The following AKT3 variants were observed in gnomAD, a reference collection of about 807,000 sequenced individuals.
AKT3 encodes the protein AKT serine/threonine kinase 3, also known as RAC-gamma serine/threonine-protein kinase.
In AKT3, 15 loss-of-function variants were observed where a neutral mutation model predicts 65.3. That is an observed-to-expected ratio of 0.23 (90% confidence interval 0.15 to 0.35). AKT3 has a LOEUF of 0.35. Ranked by LOEUF, AKT3 falls within the 10% of genes least tolerant of loss-of-function variation. AKT3 has a pLI of 1.00. For missense variants in AKT3, 243 were observed against 576.5 expected (o/e 0.42, Z 5.92); for synonymous variants, 206 against 183.8 (o/e 1.12, Z -0.98).
intron 4 of AKT3, among the ~76,000 whole-genome samples, chr1:243,649,789 A>C (rs1681163116): frequency 6.6e-6 from 1 of 152,130 alleles, no homozygotes; most frequent in Non-Finnish European, 1.5e-5. Context: ...TATATGTACC[A>C]CACTTTTTTT....
At chr1:243,830,244 G>A (rs192507009) in intron 2 of AKT3, among the ~76,000 whole-genome samples, 3 of 152,238 alleles carry the variant, frequency 2.0e-5, no homozygotes, top group African/African-American at 7.2e-5. Context: ...GTAATTTAAA[G>A]ATGATTTAAA....
intron 3 of AKT3, among the ~76,000 whole-genome samples, chr1:243,665,588 T>A (rs1181316981): frequency 6.6e-6 from 1 of 152,160 alleles, no homozygotes; most frequent in Non-Finnish European, 1.5e-5. Flanking sequence ...GTGCGTAGAT[T>A]CAATTATTTT....
At chr1:243,727,271 A>G (rs78819864) in intron 2 of AKT3, among the ~76,000 whole-genome samples, 401 of 152,268 alleles carry the variant, frequency 2.6e-3, no homozygotes, top group Non-Finnish European at 5.0e-3. Context: ...ATCAGCATAC[A>G]ATACCAAAAG....
chr1:243,680,253 G>T (rs1411009209), intron 3 of AKT3, among the ~76,000 whole-genome samples: 3 of 152,120 alleles, frequency 2.0e-5, no homozygotes, highest in African/African-American at 7.2e-5. Context: ...TTCATAGTTG[G>T]AAGACTATTG....
intron 2 of AKT3, among the ~76,000 whole-genome samples, chr1:243,746,089 C>T (rs1224509886): frequency 6.6e-6 from 1 of 152,090 alleles, no homozygotes; most frequent in Non-Finnish European, 1.5e-5. Flanking sequence ...CAGGTTCATT[C>T]GATGATTTTT....
rs1049735904 is a variant in AKT3 at position 243,550,123 on chromosome 1, A to C, written c.1163+2606T>G. The stretch of plus-strand genomic sequence containing the variant: ...CCTAGACAAAGCCAATAATTTCAAC[A>C]GTACTTTGTATGTAGTTTGACCTGA... On this transcript the variant is annotated intron_variant, in intron 11 of 13. Coordinates refer to ENST00000673466, the MANE Select transcript of AKT3 (RefSeq NM_005465.7). 3.3e-5 allele frequency among the ~76,000 whole-genome samples: 5 copies of C among 152,186 alleles called. No homozygotes were observed. In the East Asian group the frequency reaches 5.8e-4, roughly 18 times the overall value.
At chr1:243,841,728 T>A (rs1029092043) in intron 2 of AKT3, among the ~76,000 whole-genome samples, 1 of 152,094 alleles carries the variant, frequency 6.6e-6, no homozygotes, top group African/African-American at 2.4e-5. Context: ...CACTCTAATG[T>A]CCAGACTCTT....
chr1:243,705,275 G>A (rs1446539444), intron 2 of AKT3, among the ~76,000 whole-genome samples: 1 of 152,156 alleles, frequency 6.6e-6, no homozygotes, highest in Non-Finnish European at 1.5e-5. Flanking sequence ...AAGCTGATGA[G>A]ATGATGAGAA....
At chr1:243,706,383 C>T (rs917275755) in intron 2 of AKT3, among the ~76,000 whole-genome samples, 2 of 152,204 alleles carry the variant, frequency 1.3e-5, no homozygotes, top group Non-Finnish European at 2.9e-5. Context: ...AGAAGGCAGG[C>T]TGTAGTGCTT....
intron 3 of AKT3, among the ~76,000 whole-genome samples, chr1:243,685,875 T>C (rs1231246426): frequency 6.6e-6 from 1 of 152,088 alleles, no homozygotes; most frequent in Non-Finnish European, 1.5e-5. Flanking sequence ...TCAGCCCCAA[T>C]CTCCTTAAGC....
rs563881003 is a variant in AKT3, at chr1:243,490,629, C to T, written c.*7-2179G>A. Among the ~76,000 whole-genome samples the T allele has an allele frequency of 1.8e-4, 27 of 152,390 alleles. No homozygotes were observed. In the South Asian group the frequency reaches 3.9e-3, roughly 22 times the overall value. Reference sequence around the variant, plus strand: ...TGGGCATGGTGCACGCCTGGCTTCACGGGCTACTGGGAGTGCTGAGTGCAG... The same window carrying T: ...TGGGCATGGTGCACGCCTGGCTTCATGGGCTACTGGGAGTGCTGAGTGCAG... On this transcript the variant is annotated intron_variant, in intron 13 of 13. Coordinates refer to the AKT3 transcript ENST00000336199.
intron 3 of AKT3, among the ~76,000 whole-genome samples, chr1:243,687,095 T>C (rs1376711148): frequency 6.6e-6 from 1 of 152,118 alleles, no homozygotes; most frequent in Admixed American, 6.6e-5. Context: ...AGTAAAGCAG[T>C]AGAACCTAGT....
intron 1 of AKT3, 69 bp from the exon 2 acceptor site, chr1:243,843,351 T>C (rs946067049): frequency 7.7e-7 from 1 of 1,305,470 alleles, no homozygotes; most frequent in Non-Finnish European, 9.8e-7. Flanking sequence ...AACAAACAAC[T>C]AATTCTTTGT....
At position 243,583,133 on chromosome 1, in the gene AKT3, C is replaced by T. The variant is rs1265077189; in HGVS notation, c.697-10085G>A. ...CTCTCTTCCAGTATGTATATATATT[C>T]CATATATATATCTCTCTCTTCCATG... On this transcript the variant is annotated intron_variant, in intron 8 of 13. Transcript: ENST00000673466. Among the ~76,000 whole-genome samples, 4 of 131,184 alleles carry T rather than the reference C, an allele frequency of 3.0e-5. No homozygotes were observed. In the South Asian group the frequency reaches 1.0e-3, roughly 33 times the overall value. The allele number at this position is 131,184 out of a possible 152,430, so 86.1% of individuals were successfully genotyped here.
In AKT3 at chr1:243,843,144, T is replaced by C; in HGVS notation, c.27A>G (p.Glu9=). 6.2e-7 allele frequency: 1 copy of C among 1,614,020 alleles called. No homozygotes were observed. The change falls in exon 2 of 14, where the codon GAA becomes GAG. Residue 9 remains glutamate, a synonymous_variant. Transcript: ENST00000673466. MSDVTIVK[E]GWVQKRGEYI... is the part of the protein sequence containing the mutation. The stretch of plus-strand genomic sequence containing the variant: ...ACTTACCCCTCTTCTGAACCCAACC[T>C]TCTTTCACAATGGTAACATCGCTCA...
At chr1:243,776,733 T>A (rs913899655) in intron 2 of AKT3, among the ~76,000 whole-genome samples, 6 of 152,206 alleles carry the variant, frequency 3.9e-5, no homozygotes, top group African/African-American at 1.4e-4. Context: ...GAGATAGTGA[T>A]AGGGCCAGAA....
intron 8 of AKT3, among the ~76,000 whole-genome samples, chr1:243,591,347 C>T (rs1261142502): frequency 2.6e-5 from 4 of 152,164 alleles, no homozygotes; most frequent in East Asian, 3.9e-4. Flanking sequence ...ATAGTGCAGC[C>T]GTGTTAGTGC....
intron 3 of AKT3, among the ~76,000 whole-genome samples, chr1:243,667,607 C>T (rs530473990): frequency 1.3e-5 from 2 of 152,322 alleles, no homozygotes; most frequent in African/African-American, 4.8e-5. Context: ...TTCCAAAAAA[C>T]TTAGAATAGC....
chr1:243,596,776 G>A (rs1267195038), intron 8 of AKT3, among the ~76,000 whole-genome samples: 1 of 152,148 alleles, frequency 6.6e-6, no homozygotes, highest in Non-Finnish European at 1.5e-5. Context: ...ATTAGGCAAT[G>A]ACTGGTATTA....
Sources: allele counts gnomAD v4.1 joint callset (sites outside exome capture counted in the v4.1 genomes callset), GRCh38; gene constraint gnomAD v4.1.1; transcripts MANE v1.5; gene names NCBI Gene and HGNC (gene_info 2026-07-23, HGNC 2026-07-21).